The following SUPT20H variants were observed in gnomAD, a reference collection of about 807,000 sequenced individuals.
SUPT20H encodes transcription factor SPT20 homolog.
A neutral mutation model predicts 122.8 loss-of-function variants in SUPT20H; 82 were observed. The ratio of observed to expected loss-of-function variants is 0.67; its 90% confidence interval spans 0.56 to 0.80. SUPT20H has a LOEUF of 0.80. Among genes scored for constraint, SUPT20H ranks in the 30% least tolerant of loss-of-function variants. SUPT20H has a pLI of 0.00. For missense variants in SUPT20H, 831 were observed against 921.6 expected (o/e 0.90, Z 1.27); for synonymous variants, 291 against 313.0 (o/e 0.93, Z 0.74).
chr13:37,052,163 C>A (rs1441081920), intron 1 of SUPT20H, among the ~76,000 whole-genome samples: 1 of 152,056 alleles, frequency 6.6e-6, no homozygotes, highest in Non-Finnish European at 1.5e-5. Flanking sequence ...ACTTTCTTCA[C>A]AAAACTAGGA....
At chr13:37,040,053 G>C (rs2065189745) in intron 9 of SUPT20H, 1 of 163,602 alleles carries the variant, frequency 6.1e-6, no homozygotes, top group Non-Finnish European at 1.3e-5. Flanking sequence ...AGATAGGCTA[G>C]GCTAGGGTTT....
At chr13:37,036,371 T>A (rs545068648) in intron 9 of SUPT20H, among the ~76,000 whole-genome samples, 6 of 150,900 alleles carry the variant, frequency 4.0e-5, no homozygotes, top group African/African-American at 1.2e-4. Flanking sequence ...TGTCGCCAGG[T>A]TGGAGTGCAG....
chr13:37,027,617 CAAAT>C (rs2062543838), intron 14 of SUPT20H, among the ~76,000 whole-genome samples: 1 of 151,724 alleles, frequency 6.6e-6, no homozygotes, highest in Non-Finnish European at 1.5e-5. Context: ...TTAAAAAAAC[CAAAT>C]AAATAGTAAA....
chr13:37,033,616 A>G (rs573339835), intron 9 of SUPT20H, 28 bp from the exon 10 acceptor site: 1 of 1,603,214 alleles, frequency 6.2e-7, no homozygotes, highest in Non-Finnish European at 8.5e-7. Flanking sequence ...ATATGTCAAT[A>G]CCAGATTTAA....
intron 23 of SUPT20H, among the ~76,000 whole-genome samples, chr13:37,015,131 A>G (rs2139176485): frequency 6.6e-6 from 1 of 152,098 alleles, no homozygotes; most frequent in African/African-American, 2.4e-5. Flanking sequence ...CCAAAAGCAC[A>G]GGCAAGAAAA....
chr13:37,034,045 G>A (rs149370419), intron 9 of SUPT20H, among the ~76,000 whole-genome samples: 25 of 152,248 alleles, frequency 1.6e-4, no homozygotes, highest in African/African-American at 6.0e-4. Context: ...CAGCTTCACC[G>A]ATCCACCACT....
chr13:37,054,218 A>G (rs2068407783), intron 1 of SUPT20H, among the ~76,000 whole-genome samples: 1 of 152,230 alleles, frequency 6.6e-6, no homozygotes, highest in Non-Finnish European at 1.5e-5. Flanking sequence ...ATTCCTTCTG[A>G]AACTATTCCA....
rs201565713 is a variant in SUPT20H at position 37,026,424 on chromosome 13, T to C, written c.1179-188A>G. Among the ~76,000 whole-genome samples the C allele has an allele frequency of 2.0e-4, 30 of 152,256 alleles. No individual in the cohort carries two copies. In the East Asian group the frequency reaches 5.8e-3, roughly 29 times the overall value. ...TATGAAACAATGACTAAGTTTTGCATGCATTATGAAACAATGTGAATAATT... is the reference window on the plus strand; with the variant it reads ...TATGAAACAATGACTAAGTTTTGCACGCATTATGAAACAATGTGAATAATT... On this transcript the variant is annotated intron_variant, in intron 15 of 25. Coordinates refer to ENST00000350612, the MANE Select transcript of SUPT20H (RefSeq NM_001014286.3).
At chr13:37,031,992 T>C (rs2063424158) in intron 10 of SUPT20H, 97 bp from the exon 11 acceptor site, 10 of 1,132,142 alleles carry the variant, frequency 8.8e-6, no homozygotes, top group Non-Finnish European at 1.2e-5. Flanking sequence ...GTACAAATCG[T>C]GTTTATAGAA....
chr13:37,028,375 A>C (rs911048531), intron 13 of SUPT20H, 70 bp from the exon 14 acceptor site: 10 of 1,405,810 alleles, frequency 7.1e-6, no homozygotes, highest in Non-Finnish European at 9.7e-6. Flanking sequence ...AGTAAAAATC[A>C]GGAATAAATG....
At chr13:37,040,769 C>T in intron 7 of SUPT20H, 77 bp from the exon 8 acceptor site, 1 of 1,049,858 alleles carries the variant, frequency 9.5e-7, no homozygotes, top group Non-Finnish European at 1.5e-6. Context: ...AAACATTTCG[C>T]ATTCTTTACA....
chr13:37,022,109 A>G lies in SUPT20H; in HGVS notation c.1592-29T>C, dbSNP rs1437212954. ...GAGTTATAGATGTTACCATGGTGGA[A>G]AGAGGAATGGTTGTTACAGGCATTG... On this transcript the variant is annotated intron_variant, in intron 19 of 25. Coordinates refer to ENST00000350612, the MANE Select transcript of SUPT20H (RefSeq NM_001014286.3). The surrounding 1 kb of genome is among the most constrained non-coding windows in gnomAD (Gnocchi z 4.5). 2 of 1,614,134 alleles carry G rather than the reference A, an allele frequency of 1.2e-6. No individual in the cohort carries two copies. Among genetic ancestry groups the G allele is most frequent in the African/African-American group, 2.7e-5 (2 of 75,036 alleles).
intron 14 of SUPT20H, among the ~76,000 whole-genome samples, chr13:37,027,536 G>GC (rs1033656381): frequency 6.6e-6 from 1 of 151,632 alleles, no homozygotes; most frequent in Non-Finnish European, 1.5e-5. Context: ...CATAGACCTC[G>GC]CCCCCATCCT....
chr13:37,043,764 C>T (rs560885002), intron 7 of SUPT20H, among the ~76,000 whole-genome samples: 7 of 151,318 alleles, frequency 4.6e-5, no homozygotes, highest in Non-Finnish European at 8.9e-5. Context: ...TTCTCTAATC[C>T]TGCAGTGGTA....
intron 1 of SUPT20H, among the ~76,000 whole-genome samples, chr13:37,054,063 A>G (rs2068361645): frequency 6.6e-6 from 1 of 152,210 alleles, no homozygotes; most frequent in Admixed American, 6.5e-5. Context: ...CCAAGACTAA[A>G]CCAGGAAGAA....
intron 9 of SUPT20H, among the ~76,000 whole-genome samples, chr13:37,034,589 C>T (rs1026217772): frequency 6.6e-6 from 1 of 152,166 alleles, no homozygotes; most frequent in Non-Finnish European, 1.5e-5. Flanking sequence ...CACAAAAGTG[C>T]AAGGTGAGGC....
At chr13:37,026,055 AAC>A (rs1305384103) in intron 16 of SUPT20H, 147 bp downstream of exon 16, 18 of 529,230 alleles carry the variant, frequency 3.4e-5, no homozygotes, top group Non-Finnish European at 5.5e-5. Context: ...CTAATTTTAC[AAC>A]AGAGACCCAT....
At chr13:37,042,321 G>T (rs1483894103) in intron 7 of SUPT20H, among the ~76,000 whole-genome samples, 7 of 152,166 alleles carry the variant, frequency 4.6e-5, no homozygotes, top group African/African-American at 1.7e-4. Context: ...AAGAAAATAT[G>T]TAAGTTAGGA....
At chr13:37,049,779 A>G (rs1187396630) in intron 2 of SUPT20H, among the ~76,000 whole-genome samples, 2 of 152,062 alleles carry the variant, frequency 1.3e-5, no homozygotes, top group Non-Finnish European at 2.9e-5. Flanking sequence ...ACAAAACCCA[A>G]ATATACCACC....
Sources: allele counts gnomAD v4.1 joint callset (sites outside exome capture counted in the v4.1 genomes callset), GRCh38; gene constraint gnomAD v4.1.1; non-coding constraint Gnocchi (gnomAD v3.1); transcripts MANE v1.5; gene names NCBI Gene and HGNC (gene_info 2026-07-23, HGNC 2026-07-21).